SMC5: variants seen among roughly 807,000 people sequenced by gnomAD.
The protein encoded by SMC5 is structural maintenance of chromosomes 5, also known as structural maintenance of chromosomes protein 5.
In SMC5, 88 loss-of-function variants were observed where a neutral mutation model predicts 148.3. That is an observed-to-expected ratio of 0.59 (90% confidence interval 0.50 to 0.71). The LOEUF (loss-of-function observed/expected upper bound fraction) is 0.71, where lower values mean the gene tolerates loss of function less well. Ranked by LOEUF, SMC5 falls within the 30% of genes least tolerant of loss-of-function variation. SMC5 has a pLI of 0.00. For synonymous variants in SMC5, 421 were observed against 432.8 expected (o/e 0.97, Z 0.34); for missense variants, 1,142 against 1,298.9 (o/e 0.88, Z 1.86).
At chr9:70,301,871 A>G (rs985954086) in intron 10 of SMC5, among the ~76,000 whole-genome samples, 3 of 152,234 alleles carry the variant, frequency 2.0e-5, no homozygotes, top group Admixed American at 6.5e-5. Flanking sequence ...TGTTTAAAAA[A>G]TCATAAAGCA....
Position 70,290,109 on chromosome 9 carries a change from G to A in SMC5, c.1053+3838G>A, listed in dbSNP as rs2035019234. On this transcript the variant is annotated intron_variant, in intron 8 of 24. Coordinates refer to ENST00000361138, the MANE Select transcript of SMC5 (RefSeq NM_015110.4). ...ATTTGAAATCCAAAACACTTCTGGTGCCAAGCATTTTGGATAAAGGATAAT... is the reference window on the plus strand; with the variant it reads ...ATTTGAAATCCAAAACACTTCTGGTACCAAGCATTTTGGATAAAGGATAAT... Among the ~76,000 whole-genome samples, 3 of 152,082 alleles carry A rather than the reference G, an allele frequency of 2.0e-5. No individual in the cohort carries two copies. In the South Asian group the frequency reaches 6.2e-4, roughly 32 times the overall value.
chr9:70,324,249 A>G (rs1483548152), intron 17 of SMC5, 106 bp downstream of exon 17: 2 of 1,169,596 alleles, frequency 1.7e-6, no homozygotes, highest in East Asian at 2.7e-5. Context: ...GTTTTATGCT[A>G]TTTAACTTAC....
At chr9:70,312,371 G>A (rs567830679) in intron 11 of SMC5, among the ~76,000 whole-genome samples, 2 of 152,198 alleles carry the variant, frequency 1.3e-5, no homozygotes, top group African/African-American at 4.8e-5. Flanking sequence ...CAGCATGGGG[G>A]AAACCGCCCC....
In SMC5 at chr9:70,324,141, G is replaced by C. The variant is rs772670596; in HGVS notation, c.2395G>C (p.Glu799Gln). The stretch of plus-strand genomic sequence containing the variant: ...CGCATCTTCACAACTCCGTCTTACA[G>C]AGGTAAAATTTTTGCCTTTACTTTT... The part of the protein sequence containing the change: ...MAASSQLRLT[E>Q]QHFIELDENR... Residue 799 changes from glutamate to glutamine, a missense_variant and splice_region_variant, in exon 17 of 25, where the codon GAG becomes CAG. By Grantham distance (29) the Glu-to-Gln change is conservative. This residue lies in a region of SMC5 where 743 missense variants were observed against 835.7 expected (regional missense o/e 0.89). Transcript: ENST00000361138. The C allele has an allele frequency of 1.9e-6, 3 of 1,582,798 alleles. No homozygotes were observed. Among genetic ancestry groups the C allele is most frequent in the African/African-American group, 1.4e-5 (1 of 72,946 alleles).
chr9:70,348,481 C>G (rs2036725032), intron 22 of SMC5, among the ~76,000 whole-genome samples: 2 of 151,964 alleles, frequency 1.3e-5, no homozygotes, highest in African/African-American at 2.4e-5. Flanking sequence ...AGCTTGAGCT[C>G]ACGGGTTTGA....
At chr9:70,281,902 A>G (rs2034760305) in intron 6 of SMC5, among the ~76,000 whole-genome samples, 1 of 150,436 alleles carries the variant, frequency 6.6e-6, no homozygotes, top group African/African-American at 2.4e-5. Context: ...TTTTCTTACC[A>G]TCATCCCATT....
chr9:70,348,336 A>T (rs986526967), intron 22 of SMC5, among the ~76,000 whole-genome samples: 3 of 151,636 alleles, frequency 2.0e-5, no homozygotes, highest in Non-Finnish European at 4.4e-5. Flanking sequence ...GAGTTAGAAG[A>T]CTCAAACAGA....
chr9:70,347,696 A>G lies in SMC5; in HGVS notation c.2748A>G (p.Gln916=). The G allele has an allele frequency of 6.4e-7, 1 of 1,565,924 alleles. No individual in the cohort carries two copies. The highest frequency in any genetic ancestry group is 1.2e-5 in the South Asian group (1 of 84,208). The change falls in exon 21 of 25, where the codon CAA becomes CAG. Residue 916 remains glutamine (Q), a synonymous_variant. Coordinates refer to ENST00000361138, the MANE Select transcript of SMC5 (RefSeq NM_015110.4). The stretch of plus-strand genomic sequence containing the variant: ...AGGGAAAGAAAGTTGAACTAGATCA[A>G]TACAGGGAAAACATTTCACAGGTAA... ...ELKGKKVELD[Q]YRENISQVKE...
intron 8 of SMC5, among the ~76,000 whole-genome samples, chr9:70,293,156 G>GT (rs924349703): frequency 2.0e-5 from 3 of 152,026 alleles, no homozygotes; most frequent in African/African-American, 7.2e-5. Flanking sequence ...TTAAAATTAT[G>GT]TTTTCAACTT....
In SMC5 at chr9:70,354,095, C is replaced by G. The variant is rs1377960357; in HGVS notation, c.*1764C>G. 1 of 152,122 alleles carries G rather than the reference C, an allele frequency of 6.6e-6. No individual in the cohort carries two copies. Among genetic ancestry groups the G allele is most frequent in the Non-Finnish European group, 1.5e-5 (1 of 68,014 alleles). The allele number at this position is 152,122 out of a possible 1,614,324, so 9.4% of individuals were successfully genotyped here. A position where few individuals can be genotyped will look rare whatever the true frequency, so the allele number is the denominator to read the frequency against. On this transcript the variant is annotated 3_prime_UTR_variant, in exon 25 of 25. Coordinates refer to ENST00000361138, the MANE Select transcript of SMC5 (RefSeq NM_015110.4). The stretch of plus-strand genomic sequence containing the variant: ...GTAAACATTTAATTTCTCTACTGGA[C>G]AAAATTAATATTTGGCTTTACATTG...
chr9:70,287,159 T>G (rs191532995), intron 8 of SMC5, among the ~76,000 whole-genome samples: 188 of 152,340 alleles, frequency 1.2e-3, no homozygotes, highest in South Asian at 7.0e-3. Flanking sequence ...AGGAAAAATC[T>G]TGTTTCAATT....
chr9:70,296,985 A>G (rs2035219218), intron 8 of SMC5, among the ~76,000 whole-genome samples: 1 of 152,240 alleles, frequency 6.6e-6, no homozygotes, highest in Admixed American at 6.5e-5. Context: ...AAGTATTGGT[A>G]GAAAATATTT....
At chr9:70,346,463 A>G (rs557193936) in intron 18 of SMC5, 142 bp from the exon 19 acceptor site, 10 of 823,628 alleles carry the variant, frequency 1.2e-5, no homozygotes, top group African/African-American at 8.5e-5. Flanking sequence ...GACTCAGAAG[A>G]TAGTACTGTG....
intron 22 of SMC5, among the ~76,000 whole-genome samples, chr9:70,348,313 G>A (rs1049808440): frequency 6.6e-6 from 1 of 151,890 alleles, no homozygotes; most frequent in African/African-American, 2.4e-5. Context: ...ACGTTATAAA[G>A]CTACCACAGC....
chr9:70,350,276 GT>G lies in SMC5; in HGVS notation c.3054del (p.Asp1019MetfsTer20). 2 of 1,612,774 alleles carry G rather than the reference GT, an allele frequency of 1.2e-6. No homozygotes were observed. The highest frequency in any genetic ancestry group is 2.2e-5 in the South Asian group (2 of 90,682). ...GCTAAATAGATGTCCATTCAGAGTA[GT>G]TGATGAAATCAATCAGGTATGGTGA... ...QELNRCPFRV[V>X]DEINQGMDPI... On this transcript the variant is annotated frameshift_variant, in exon 23 of 25. Transcript: ENST00000361138. LOFTEE classifies it high-confidence loss of function.
In SMC5 at chr9:70,323,465, A is replaced by G; in HGVS notation, c.2151-18A>G. On this transcript the variant is annotated intron_variant, in intron 15 of 24. Transcript: ENST00000361138. Reference sequence around the variant, plus strand: ...TATGTTTAACACTGATTTCTTCATTATTATATGTGTCATACAGTTTAAAGC... The same window carrying G: ...TATGTTTAACACTGATTTCTTCATTGTTATATGTGTCATACAGTTTAAAGC... 6.3e-7 allele frequency: 1 copy of G among 1,577,600 alleles called. No homozygotes were observed. Among genetic ancestry groups the G allele is most frequent in the Non-Finnish European group, 8.6e-7 (1 of 1,167,568 alleles).
intron 13 of SMC5, among the ~76,000 whole-genome samples, chr9:70,315,932 T>C (rs915172289): frequency 2.0e-5 from 3 of 152,250 alleles, no homozygotes; most frequent in Admixed American, 6.5e-5. Context: ...TTTAAATTAT[T>C]ATATTTGAGA....
Position 70,319,713 on chromosome 9 carries a change from C to T in SMC5, c.2150+750C>T, listed in dbSNP as rs149714426. On this transcript the variant is annotated intron_variant, in intron 15 of 24. Coordinates refer to ENST00000361138, the MANE Select transcript of SMC5 (RefSeq NM_015110.4). Reference sequence around the variant, plus strand: ...TTGTGTACTCTGTTACATTAAAATCCATTGCACTTTAGATGGCGCTTTTAC... The same window carrying T: ...TTGTGTACTCTGTTACATTAAAATCTATTGCACTTTAGATGGCGCTTTTAC... Among the ~76,000 whole-genome samples the T allele has an allele frequency of 3.6e-3, 552 of 152,198 alleles. 4 individuals carry two copies. The highest frequency in any genetic ancestry group is 0.012 in the African/African-American group (495 of 41,526).
intron 15 of SMC5, among the ~76,000 whole-genome samples, chr9:70,321,384 T>G (rs1020143161): frequency 1.3e-5 from 2 of 150,022 alleles, no homozygotes; most frequent in African/African-American, 4.9e-5. Context: ...AATATAATAT[T>G]GTCAAATGTC....
Sources: allele counts gnomAD v4.1 joint callset (sites outside exome capture counted in the v4.1 genomes callset), GRCh38; gene constraint gnomAD v4.1.1; regional missense constraint gnomAD v4.1.1; transcripts MANE v1.5; gene names NCBI Gene and HGNC (gene_info 2026-07-23, HGNC 2026-07-21).